Variants in CABIN1 observed in about 807,000 individuals in gnomAD.
The protein encoded by CABIN1 is calcineurin binding protein 1.
Under a neutral mutation model 227.7 loss-of-function variants are expected in CABIN1, and 133 were observed. That is an observed-to-expected ratio of 0.58 (90% CI 0.51 to 0.67). The LOEUF (loss-of-function observed/expected upper bound fraction) is 0.67. Ranked by LOEUF, CABIN1 falls within the 30% of genes least tolerant of loss-of-function variation. CABIN1 has a pLI of 0.00. For synonymous variants in CABIN1, 1,086 were observed against 1,155.1 expected, an observed-to-expected ratio of 0.94 and a Z score of 1.21; for missense variants, 2,408 against 2,852.5, an observed-to-expected ratio of 0.84 and a Z score of 3.55.
chr22:24,159,146 T>C (rs1172884197), intron 29 of CABIN1, among the ~76,000 whole-genome samples: 1 of 152,176 alleles, frequency 6.6e-6, no homozygotes, highest in Non-Finnish European at 1.5e-5. Flanking sequence ...GAGGCCAGGC[T>C]CTGCTCAAAG....
chr22:24,042,568 G>A (rs755143517), intron 5 of CABIN1, among the ~76,000 whole-genome samples: 4 of 152,144 alleles, frequency 2.6e-5, no homozygotes, highest in Non-Finnish European at 4.4e-5. Context: ...GCAGTAGAGT[G>A]AGACCCAGTC....
intron 7 of CABIN1, among the ~76,000 whole-genome samples, chr22:24,050,511 T>C (rs1305357403): frequency 6.6e-6 from 1 of 152,244 alleles, no homozygotes; most frequent in African/African-American, 2.4e-5. Context: ...TTTCTAATAA[T>C]AATTGAGAGA....
chr22:24,093,591 A>G (rs145909126), intron 24 of CABIN1, among the ~76,000 whole-genome samples: 55 of 152,088 alleles, frequency 3.6e-4, no homozygotes, highest in African/African-American at 1.3e-3. Context: ...TGTTTGGGCC[A>G]GGCATGGTGG....
intron 29 of CABIN1, among the ~76,000 whole-genome samples, chr22:24,156,323 G>A (rs914513837): frequency 1.3e-5 from 2 of 152,002 alleles, no homozygotes; most frequent in African/African-American, 4.8e-5. Context: ...GGGGTGCTGC[G>A]CCCCCATGCC....
At chr22:24,136,347 CTTTT>C (rs71184947) in intron 29 of CABIN1, among the ~76,000 whole-genome samples, 1 of 113,224 alleles carries the variant, frequency 8.8e-6, no homozygotes, top group Non-Finnish European at 1.8e-5. Context: ...GCCATCCCTC[CTTTT>C]TTTTTTTTTT....
chr22:24,012,167 G>A (rs1312076980), intron 1 of CABIN1, among the ~76,000 whole-genome samples: 1 of 152,108 alleles, frequency 6.6e-6, no homozygotes, highest in Non-Finnish European at 1.5e-5. Context: ...TTTAGGCTTG[G>A]GGGGTCCATA....
At chr22:24,165,669 C>G in intron 31 of CABIN1, 43 bp downstream of exon 31, 1 of 1,524,252 alleles carries the variant, frequency 6.6e-7, no homozygotes, top group Non-Finnish European at 9.0e-7. Context: ...CCCATGAACA[C>G]GCTTCCAAGC....
intron 8 of CABIN1, among the ~76,000 whole-genome samples, chr22:24,054,618 T>A (rs931062208): frequency 1.3e-5 from 2 of 152,234 alleles, no homozygotes; most frequent in African/African-American, 4.8e-5. Flanking sequence ...CTTATGGGGC[T>A]TCTGCTGCAG....
At chr22:24,013,898 T>G (rs1233800646) in intron 1 of CABIN1, among the ~76,000 whole-genome samples, 1 of 152,226 alleles carries the variant, frequency 6.6e-6, no homozygotes, top group Non-Finnish European at 1.5e-5. Context: ...GGTGAGATTA[T>G]GCATTGTTGG....
chr22:24,177,291 A>G lies in CABIN1; in HGVS notation c.6206-213A>G, dbSNP rs547820044. On this transcript the variant is annotated intron_variant, in intron 35 of 36. Transcript: ENST00000263119. The surrounding 1 kb of genome is among the most constrained non-coding windows in gnomAD (Gnocchi z 4.4). ...TTCATGGTGTTACTGGGTAAGGTTC[A>G]CAGTCCCAGCACCCCACAGCTCAGA... Among the ~76,000 whole-genome samples, 1 of 152,292 alleles carries G rather than the reference A, an allele frequency of 6.6e-6. No homozygotes were observed. Among genetic ancestry groups the G allele is most frequent in the East Asian group, 1.9e-4 (1 of 5,192 alleles).
chr22:24,154,826 C>T (rs1485245845), intron 29 of CABIN1, among the ~76,000 whole-genome samples: 1 of 152,174 alleles, frequency 6.6e-6, no homozygotes, highest in African/African-American at 2.4e-5. Flanking sequence ...AAGCCTTGGA[C>T]CGCTGGCTCC....
At chr22:24,150,776 T>G (rs1460477935) in intron 29 of CABIN1, among the ~76,000 whole-genome samples, 1 of 152,180 alleles carries the variant, frequency 6.6e-6, no homozygotes, top group Non-Finnish European at 1.5e-5. Flanking sequence ...AGACCTAGGC[T>G]AAATTCTGCT....
intron 27 of CABIN1, among the ~76,000 whole-genome samples, chr22:24,114,340 C>T (rs2042969552): frequency 6.6e-6 from 1 of 152,116 alleles, no homozygotes. Flanking sequence ...TTTCCTGGCC[C>T]CACTCTGAGG....
intron 19 of CABIN1, among the ~76,000 whole-genome samples, chr22:24,079,361 G>A (rs547744889): frequency 7.2e-5 from 11 of 152,110 alleles, no homozygotes; most frequent in South Asian, 2.1e-4. Context: ...TATGGTTAAC[G>A]TCCACCAAGA....
At chr22:24,149,161 CA>C (rs1209400757) in intron 29 of CABIN1, among the ~76,000 whole-genome samples, 1 of 152,220 alleles carries the variant, frequency 6.6e-6, no homozygotes, top group East Asian at 1.9e-4. Flanking sequence ...AGGACTCCCT[CA>C]CACATGGGCC....
intron 6 of CABIN1, among the ~76,000 whole-genome samples, chr22:24,047,607 G>T (rs182051234): frequency 1.2e-3 from 187 of 152,378 alleles, no homozygotes; most frequent in Non-Finnish European, 2.3e-3. Context: ...CTCACAGGCT[G>T]CACAGCCTTT....
At chr22:24,076,920 C>T (rs74585143) in intron 19 of CABIN1, among the ~76,000 whole-genome samples, 1 of 152,172 alleles carries the variant, frequency 6.6e-6, no homozygotes, top group African/African-American at 2.4e-5. Flanking sequence ...TATACCAAGA[C>T]AGGGACCTCA....
intron 1 of CABIN1, among the ~76,000 whole-genome samples, chr22:24,022,711 G>A (rs2035811200): frequency 6.6e-6 from 1 of 152,196 alleles, no homozygotes; most frequent in Admixed American, 6.5e-5. Context: ...AGCAGTGTAT[G>A]ATTCTTCCAG....
At chr22:24,114,932 A>G (rs1393654479) in intron 27 of CABIN1, among the ~76,000 whole-genome samples, 2 of 152,194 alleles carry the variant, frequency 1.3e-5, no homozygotes, top group East Asian at 3.9e-4. Context: ...ATGTGGATTT[A>G]CTTGTATCTG....
Sources: gnomAD v4.1 joint callset for allele counts (sites outside exome capture counted in the v4.1 genomes callset) on GRCh38, gnomAD v4.1.1 for gene constraint, Gnocchi (gnomAD v3.1) non-coding constraint, MANE v1.5 for transcripts, NCBI Gene and HGNC (gene_info 2026-07-23, HGNC 2026-07-21) for gene names.